Variants in ANKMY1 observed in about 807,000 individuals in gnomAD.
ANKMY1 encodes the protein ankyrin repeat and MYND domain-containing protein 1.
ANKMY1 carries 98 observed loss-of-function variants against 102.0 expected under a neutral mutation model. The observed-to-expected ratio is 0.96, with a 90% CI of 0.82 to 1.14. The LOEUF is 1.14. ANKMY1 is among the 50% of genes most tolerant of loss of function. The pLI, the probability that ANKMY1 is intolerant of heterozygous loss-of-function variation, is 0.00. For synonymous variants in ANKMY1, 582 were observed against 559.9 expected, an observed-to-expected ratio of 1.04 and a Z score of -0.56; for missense variants, 1,330 against 1,347.6, an observed-to-expected ratio of 0.99 and a Z score of 0.20.
chr2:240,533,445 T>C (rs554811403), intron 4 of ANKMY1, among the ~76,000 whole-genome samples: 1 of 152,352 alleles, frequency 6.6e-6, no homozygotes, highest in East Asian at 1.9e-4. Flanking sequence ...AAATGGAAGC[T>C]GGTAGAATTA....
At chr2:240,509,224 A>AATGG (rs995115320) in intron 12 of ANKMY1, 124 bp downstream of exon 12, 12 of 602,944 alleles carry the variant, frequency 2.0e-5, no homozygotes, top group Middle Eastern at 4.5e-4. Context: ...TGGATGGATG[A>AATGG]ATGGATGGAT....
In ANKMY1 at chr2:240,557,206, C is replaced by A; in HGVS notation, c.130G>T (p.Ala44Ser). The A allele has an allele frequency of 6.4e-7, 1 of 1,566,020 alleles. No individual in the cohort carries two copies. Among genetic ancestry groups the A allele is most frequent in the Non-Finnish European group, 8.7e-7 (1 of 1,153,876 alleles). Residue 44 changes from alanine (A) to serine (S), a missense_variant, in exon 2 of 18, where the codon GCT becomes TCT. Coordinates refer to ENST00000401804, the MANE Select transcript of ANKMY1 (RefSeq NM_001282771.3). ...CCCCCGCACCTTGTGGCGAAGACAG[C>A]GTAGTTCTTCAGGGACCCCGGCTCC... ...AEEPGSLKNY[A>S]VFATRDVSAA...
intron 4 of ANKMY1, among the ~76,000 whole-genome samples, chr2:240,540,604 C>G (rs1412363585): frequency 6.6e-6 from 1 of 152,150 alleles, no homozygotes; most frequent in Non-Finnish European, 1.5e-5. Flanking sequence ...CATTTCTTCC[C>G]TGCTATCTAA....
rs375980342 is a variant in ANKMY1 at position 240,514,827 on chromosome 2, G to A, written c.2005-1885C>T. ...CAACCCCGAGAGTCCCATTCCTCCT[G>A]GGAGTCAGCAGCTGCCTGGAACCTG... On this transcript the variant is annotated intron_variant, in intron 9 of 17. Coordinates refer to ENST00000401804, the MANE Select transcript of ANKMY1 (RefSeq NM_001282771.3). Among the ~76,000 whole-genome samples, 20 of 152,304 alleles carry A rather than the reference G, an allele frequency of 1.3e-4. No individual in the cohort carries two copies. In the East Asian group the frequency reaches 1.9e-3, roughly 15 times the overall value.
At chr2:240,492,212 C>T (rs1432492409) in intron 15 of ANKMY1, among the ~76,000 whole-genome samples, 2 of 152,038 alleles carry the variant, frequency 1.3e-5, no homozygotes, top group African/African-American at 4.8e-5. Context: ...AGGGTGGTCT[C>T]AAATTCCTGG....
At chr2:240,495,273 A>G (rs2077102529) in intron 15 of ANKMY1, among the ~76,000 whole-genome samples, 1 of 152,108 alleles carries the variant, frequency 6.6e-6, no homozygotes, top group Non-Finnish European at 1.5e-5. Context: ...CTTTCCCCAG[A>G]GGAGTTTAGA....
At chr2:240,530,927 T>C (rs1330229011) in intron 4 of ANKMY1, among the ~76,000 whole-genome samples, 2 of 142,792 alleles carry the variant, frequency 1.4e-5, no homozygotes, top group Non-Finnish European at 3.1e-5. Context: ...AATACATAAA[T>C]AGAATAATAA....
Position 240,529,198 on chromosome 2 carries a change from G to C in ANKMY1, c.792C>G (p.Thr264=), listed in dbSNP as rs769805374. ...TTGTCATGGGCAGGTGGTCACTGTT[G>C]GTCGAGTAGACATACATTTCTGGAG... ...TLPPEMYVYS[T]NSDHLPMTSS... is the part of the protein sequence containing the mutation. The change falls in exon 5 of 18, where the codon ACC becomes ACG. Residue 264 remains threonine, a synonymous_variant. Coordinates refer to ENST00000401804, the MANE Select transcript of ANKMY1 (RefSeq NM_001282771.3). This position sits in a 1 kb window ranked among gnomAD's most constrained non-coding sequence, Gnocchi z 4.2. 3 of 1,614,192 alleles carry C rather than the reference G, an allele frequency of 1.9e-6. No individual in the cohort carries two copies. Among genetic ancestry groups the C allele is most frequent in the Middle Eastern group, 1.6e-4 (1 of 6,062 alleles).
At chr2:240,538,370 C>CA (rs1220663934) in intron 4 of ANKMY1, among the ~76,000 whole-genome samples, 1 of 152,190 alleles carries the variant, frequency 6.6e-6, no homozygotes, top group African/African-American at 2.4e-5. Context: ...GGCCCACACT[C>CA]AGAGCCACCA....
At position 240,529,205 on chromosome 2, in the gene ANKMY1, T is replaced by A; in HGVS notation, c.785A>T (p.Tyr262Phe). 1 of 1,614,136 alleles carries A rather than the reference T, an allele frequency of 6.2e-7. No homozygotes were observed. ...GGGCAGGTGGTCACTGTTGGTCGAG[T>A]AGACATACATTTCTGGAGGCAGCGT... Reference protein sequence around the residue: ...NLTLPPEMYVYSTNSDHLPMT... With the variant: ...NLTLPPEMYVFSTNSDHLPMT... The change falls in exon 5 of 18, where the codon TAC (tyrosine) becomes TTC (phenylalanine). Residue 262 changes from tyrosine to phenylalanine, a missense_variant. Coordinates refer to ENST00000401804, the MANE Select transcript of ANKMY1 (RefSeq NM_001282771.3). The surrounding 1 kb of genome is among the most constrained non-coding windows in gnomAD (Gnocchi z 4.2).
Position 240,512,822 on chromosome 2 carries a change from C to T in ANKMY1, c.2125G>A (p.Asp709Asn), listed in dbSNP as rs1440639377. 3.7e-6 allele frequency: 6 copies of T among 1,613,978 alleles called. No homozygotes were observed. Among genetic ancestry groups the T allele is most frequent in the Non-Finnish European group, 4.2e-6 (5 of 1,179,948 alleles). ...DVDAKASDED[D>N]TYKPGKLDLL... ...CACACCTTGCCGGGCTTGTAAGTGT[C>T]GTCCTCGTCGGATGCCTTGGCGTCC... Residue 709 changes from aspartate to asparagine, a missense_variant, in exon 10 of 18, where the codon GAC becomes AAC. By Grantham distance (23) the Asp-to-Asn change is conservative. Coordinates refer to ENST00000401804, the MANE Select transcript of ANKMY1 (RefSeq NM_001282771.3).
chr2:240,552,821 T>C, intron 4 of ANKMY1, 93 bp downstream of exon 4: 1 of 1,587,336 alleles, frequency 6.3e-7, no homozygotes, highest in Non-Finnish European at 8.6e-7. Context: ...GCTAAACAAA[T>C]AAACTTCCCC....
At chr2:240,469,591 G>A in the ANKMY1 span, among the ~76,000 whole-genome samples, 45,966 of 152,140 alleles carry the variant, frequency 0.3, 7,306 homozygotes, top group Middle Eastern at 0.36. Context: ...AGGCAGCCCC[G>A]GCAGGCCAGC....
In ANKMY1 at chr2:240,556,885, G is replaced by A. The variant is rs184041711; in HGVS notation, c.146+305C>T. Among the ~76,000 whole-genome samples, 389 of 152,316 alleles carry A rather than the reference G, an allele frequency of 2.6e-3. 2 individuals carry two copies. The highest frequency in any genetic ancestry group is 8.9e-3 in the African/African-American group (371 of 41,576). ...GCCCCTGGCTGTGAACAACAGAGCT[G>A]TGAAGATGGAGACAGCTTGGGAGCC... On this transcript the variant is annotated intron_variant, in intron 2 of 17. Coordinates refer to ENST00000401804, the MANE Select transcript of ANKMY1 (RefSeq NM_001282771.3).
chr2:240,538,465 C>T (rs555935017), intron 4 of ANKMY1, among the ~76,000 whole-genome samples: 1 of 152,290 alleles, frequency 6.6e-6, no homozygotes, highest in Admixed American at 6.5e-5. Flanking sequence ...TCAGCACTGC[C>T]AGCCCGCCAG....
In ANKMY1 at chr2:240,529,546, G is replaced by A. The variant is rs780926436; in HGVS notation, c.481-37C>T. The A allele has an allele frequency of 1.9e-5, 29 of 1,538,034 alleles. No individual in the cohort carries two copies. The highest frequency in any genetic ancestry group is 2.4e-5 in the South Asian group (2 of 82,492). ...GCGCAATAGACCGAGGAGAGATAAC[G>A]CGACCCAGCTGCACATGTGATCATG... On this transcript the variant is annotated intron_variant, in intron 4 of 17. Coordinates refer to ENST00000401804, the MANE Select transcript of ANKMY1 (RefSeq NM_001282771.3). This position sits in a 1 kb window ranked among gnomAD's most constrained non-coding sequence, Gnocchi z 4.2.
In ANKMY1 at chr2:240,485,126, A is replaced by G. The variant is rs539982672; in HGVS notation, c.2807-2865T>C. 9.2e-5 allele frequency among the ~76,000 whole-genome samples: 14 copies of G among 152,226 alleles called. 1 individual carries two copies. In the South Asian group the frequency reaches 2.9e-3, roughly 32 times the overall value. On this transcript the variant is annotated intron_variant, in intron 15 of 17. Coordinates refer to ENST00000401804, the MANE Select transcript of ANKMY1 (RefSeq NM_001282771.3). ...GGTGGATCATGAGGTCAGGAGATCA[A>G]GACCATCCTGGCTAACACAGTGAAA...
chr2:240,540,236 A>G (rs2088327632), intron 4 of ANKMY1, among the ~76,000 whole-genome samples: 1 of 152,120 alleles, frequency 6.6e-6, no homozygotes, highest in Non-Finnish European at 1.5e-5. Flanking sequence ...CCATGTATTG[A>G]TTTAGGTCTT....
At position 240,523,918 on chromosome 2, in the gene ANKMY1, C is replaced by G; in HGVS notation, c.1799G>C (p.Gly600Ala). The change falls in exon 8 of 18, where the codon GGG becomes GCG. Residue 600 changes from glycine (G) to alanine (A), a missense_variant. Gly to Ala is a moderately conservative substitution (Grantham distance 60, BLOSUM62 0). Transcript: ENST00000401804. ...GGACAGCGCCATCCTCCGCATGGTCCCTTTGTCGAAGCTGCTGGTGCACGG... is the reference window on the plus strand; with the variant it reads ...GGACAGCGCCATCCTCCGCATGGTCGCTTTGTCGAAGCTGCTGGTGCACGG... ...PSPCTSSFDKGTMRRMALSMI... is the reference protein window; with the variant it reads ...PSPCTSSFDKATMRRMALSMI... 1 of 1,613,616 alleles carries G rather than the reference C, an allele frequency of 6.2e-7. No individual in the cohort carries two copies. The highest frequency in any genetic ancestry group is 8.5e-7 in the Non-Finnish European group (1 of 1,179,912).
Sources: gnomAD v4.1 joint callset for allele counts (sites outside exome capture counted in the v4.1 genomes callset) on GRCh38, gnomAD v4.1.1 for gene constraint, Gnocchi (gnomAD v3.1) non-coding constraint, MANE v1.5 for transcripts, NCBI Gene and HGNC (gene_info 2026-07-23, HGNC 2026-07-21) for gene names.